ROBO2: variants seen among roughly 807,000 people sequenced by gnomAD.
The protein encoded by ROBO2 is roundabout guidance receptor 2, also known as roundabout homolog 2.
Under a neutral mutation model 160.8 loss-of-function variants are expected in ROBO2, and 53 were observed. That is an observed-to-expected ratio of 0.33 (90% CI 0.26 to 0.41). The LOEUF is 0.41. Ranked by LOEUF, ROBO2 falls within the 10% of genes least tolerant of loss-of-function variation. ROBO2 has a pLI of 1.00. For synonymous variants in ROBO2, 664 were observed against 611.7 expected, an observed-to-expected ratio of 1.09 and a Z score of -1.26; for missense variants, 1,577 against 1,722.4, an observed-to-expected ratio of 0.92 and a Z score of 1.49.
At chr3:76,462,495 T>C (rs2078139132) in intron 2 of ROBO2, among the ~76,000 whole-genome samples, 1 of 152,098 alleles carries the variant, frequency 6.6e-6, no homozygotes, top group East Asian at 1.9e-4. Context: ...ATTTCTTTAA[T>C]GTTAGTTATT....
intron 2 of ROBO2, among the ~76,000 whole-genome samples, chr3:77,231,366 A>G (rs1309775079): frequency 1.3e-5 from 2 of 149,154 alleles, no homozygotes; most frequent in Non-Finnish European, 1.5e-5. Context: ...CTCCATCCAA[A>G]AAAAAAAAAA....
chr3:76,480,100 G>T (rs919770307), intron 2 of ROBO2, among the ~76,000 whole-genome samples: 2 of 152,080 alleles, frequency 1.3e-5, no homozygotes, highest in Non-Finnish European at 2.9e-5. Flanking sequence ...AGGAGGCAAT[G>T]AGGTATCAGC....
chr3:76,596,818 T>TGTCA (rs1381161979), intron 2 of ROBO2, among the ~76,000 whole-genome samples: 1 of 152,142 alleles, frequency 6.6e-6, no homozygotes, highest in Non-Finnish European at 1.5e-5. Context: ...TTTTAACAGC[T>TGTCA]GTCATTATAA....
At chr3:76,834,013 C>CTTTCCTTTCTTTCTCTCTTTT (rs1559574299) in intron 2 of ROBO2, among the ~76,000 whole-genome samples, 1 of 121,148 alleles carries the variant, frequency 8.3e-6, no homozygotes, top group South Asian at 3.0e-4. Context: ...TTCTTTCTTT[C>CTTTCCTTTCTTTCTCTCTTTT]CTTTCTTTCT....
At chr3:77,236,457 C>T (rs2087996182) in intron 2 of ROBO2, among the ~76,000 whole-genome samples, 1 of 152,134 alleles carries the variant, frequency 6.6e-6, no homozygotes, top group Non-Finnish European at 1.5e-5. Flanking sequence ...GTCCAACTCT[C>T]GCTTCCCATC....
intron 2 of ROBO2, among the ~76,000 whole-genome samples, chr3:76,646,540 ATAT>A (rs768756543): frequency 2.0e-5 from 3 of 152,310 alleles, no homozygotes; most frequent in South Asian, 2.1e-4. Context: ...TGAATAATAA[ATAT>A]TATTAACCTC....
chr3:77,231,441 G>A (rs1428567751), intron 2 of ROBO2, among the ~76,000 whole-genome samples: 1 of 148,998 alleles, frequency 6.7e-6, no homozygotes, highest in Non-Finnish European at 1.5e-5. Context: ...ATCTTAAAAA[G>A]TGGGGAAGGA....
At chr3:75,939,705 C>A (rs965453366) in intron 2 of ROBO2, among the ~76,000 whole-genome samples, 1 of 151,970 alleles carries the variant, frequency 6.6e-6, no homozygotes, top group Non-Finnish European at 1.5e-5. Context: ...GCAAGTATAA[C>A]CCAAGCTGCA....
intron 2 of ROBO2, among the ~76,000 whole-genome samples, chr3:76,487,797 T>G (rs1046363148): frequency 6.6e-6 from 1 of 152,160 alleles, no homozygotes; most frequent in African/African-American, 2.4e-5. Flanking sequence ...AGGACTGAAT[T>G]CCCCATTTTC....
At chr3:76,721,892 G>A (rs251554) in intron 2 of ROBO2, among the ~76,000 whole-genome samples, 67,585 of 152,030 alleles carry the variant, frequency 0.44, 15,857 homozygotes, top group Non-Finnish European at 0.53. Context: ...AGAAACTTGC[G>A]TGTATGTATC....
At chr3:77,202,193 G>C (rs910719421) in intron 2 of ROBO2, among the ~76,000 whole-genome samples, 2 of 152,110 alleles carry the variant, frequency 1.3e-5, no homozygotes, top group Non-Finnish European at 2.9e-5. Context: ...ACTGGTCATT[G>C]AGTTTTTTCT....
intron 1 of ROBO2, among the ~76,000 whole-genome samples, chr3:77,082,357 A>T (rs1415155316): frequency 6.6e-6 from 1 of 152,156 alleles, no homozygotes; most frequent in Non-Finnish European, 1.5e-5. Context: ...TTCATTAAGA[A>T]ACATCAGTAC....
intron 2 of ROBO2, among the ~76,000 whole-genome samples, chr3:76,110,486 T>C (rs1437930459): frequency 2.0e-5 from 3 of 152,116 alleles, no homozygotes; most frequent in Non-Finnish European, 2.9e-5. Context: ...GAAGCTTGAA[T>C]AGCAAATTCT....
At chr3:76,433,539 G>T (rs145983302) in intron 2 of ROBO2, among the ~76,000 whole-genome samples, 1 of 151,952 alleles carries the variant, frequency 6.6e-6, no homozygotes. Context: ...TTTTTTCTGC[G>T]TAAACCTATA....
At chr3:76,044,990 G>A (rs544408618) in intron 2 of ROBO2, among the ~76,000 whole-genome samples, 4 of 152,122 alleles carry the variant, frequency 2.6e-5, no homozygotes, top group South Asian at 2.1e-4. Flanking sequence ...CAGGTGAAAC[G>A]GATGTGAGAG....
chr3:76,558,655 A>AT (rs2083962787), intron 2 of ROBO2, among the ~76,000 whole-genome samples: 1 of 152,046 alleles, frequency 6.6e-6, no homozygotes, highest in Admixed American at 6.6e-5. Flanking sequence ...AATGGGCTGC[A>AT]TTTTTCCCAA....
chr3:76,342,647 A>G (rs1057378541), intron 2 of ROBO2, among the ~76,000 whole-genome samples: 7 of 152,120 alleles, frequency 4.6e-5, no homozygotes, highest in Admixed American at 4.6e-4. Context: ...TCCTATAACA[A>G]AGGGCAATTA....
At position 76,593,520 on chromosome 3, in the gene ROBO2, G is replaced by C. The variant is rs140732037; in HGVS notation, c.110-504494G>C. 4.6e-5 allele frequency among the ~76,000 whole-genome samples: 7 copies of C among 152,164 alleles called. 1 individual carries two copies. The East Asian group carries it at 1.4e-3, about 29-fold the overall frequency. ...TACTGTTAATCACCTTGAAATGAATGAGCAGAACATGCAAATTAGTATGGC... is the reference window on the plus strand; with the variant it reads ...TACTGTTAATCACCTTGAAATGAATCAGCAGAACATGCAAATTAGTATGGC... On this transcript the variant is annotated intron_variant, in intron 2 of 26. Coordinates refer to the ROBO2 transcript ENST00000487694.
chr3:77,244,740 T>A (rs547043661), intron 2 of ROBO2, among the ~76,000 whole-genome samples: 1 of 152,012 alleles, frequency 6.6e-6, no homozygotes, highest in African/African-American at 2.4e-5. Context: ...TAGCCAGATG[T>A]GGTGGTGCGC....
Sources: gnomAD v4.1 joint callset for allele counts (sites outside exome capture counted in the v4.1 genomes callset) on GRCh38, gnomAD v4.1.1 for gene constraint, MANE v1.5 for transcripts, NCBI Gene and HGNC (gene_info 2026-07-23, HGNC 2026-07-21) for gene names.